The following LRRC43 variants were observed in gnomAD, a reference collection of about 807,000 sequenced individuals.
LRRC43 encodes the protein leucine-rich repeat-containing protein 43.
LRRC43 carries 62 observed loss-of-function variants against 64.3 expected under a neutral mutation model. The ratio of observed to expected loss-of-function variants is 0.96; its 90% CI spans 0.79 to 1.19. The LOEUF (loss-of-function observed/expected upper bound fraction) is 1.19, where lower values mean the gene tolerates loss of function less well. Among genes scored for constraint, LRRC43 ranks in the 50% most tolerant of loss-of-function variants. LRRC43 has a pLI of 0.00. For missense variants in LRRC43, 868 were observed against 845.0 expected, an observed-to-expected ratio of 1.03 and a Z score of -0.34; for synonymous variants, 422 against 382.3, an observed-to-expected ratio of 1.10 and a Z score of -1.21.
chr12:122,177,476 AGTGTGTGTGTGTGTGTGT>A (rs67103998), intron 1 of LRRC43, among the ~76,000 whole-genome samples: 141 of 143,590 alleles, frequency 9.8e-4, no homozygotes, highest in African/African-American at 3.3e-3. Flanking sequence ...TGAGAGAGAA[AGTGTGTGTGTGTGTGTGT>A]GTGTGTGTGT....
At chr12:122,201,403 C>A in intron 11 of LRRC43, 74 bp downstream of exon 11, 1 of 1,320,926 alleles carries the variant, frequency 7.6e-7, no homozygotes, top group Non-Finnish European at 1.1e-6. Context: ...TGGGGGAGGC[C>A]AAAGGAACCA....
chr12:122,170,052 CT>C (rs1160949194), intron 1 of LRRC43, among the ~76,000 whole-genome samples: 1 of 152,114 alleles, frequency 6.6e-6, no homozygotes, highest in Admixed American at 6.5e-5. Flanking sequence ...AGTGATGTTC[CT>C]GCCTCAGCCT....
intron 7 of LRRC43, among the ~76,000 whole-genome samples, chr12:122,199,838 C>T (rs1294026042): frequency 6.6e-6 from 1 of 152,204 alleles, no homozygotes; most frequent in Non-Finnish European, 1.5e-5. Context: ...CCTGTCTCGG[C>T]TTCCCAAAGT....
rs574329414 is a variant in LRRC43 at position 122,200,833 on chromosome 12, G to C, written c.1708G>C (p.Val570Leu). The change falls in exon 10 of 12, where the codon GTG (valine) becomes CTG (leucine). Residue 570 changes from valine to leucine, a missense_variant. Val to Leu is a conservative substitution (Grantham distance 32). Coordinates refer to ENST00000339777, the MANE Select transcript of LRRC43 (RefSeq NM_001098519.2). The surrounding 1 kb of genome is among the most constrained non-coding windows in gnomAD (Gnocchi z 4.6). ...PILQVLGRGL[V>L]ILEPLLAGEP... The stretch of plus-strand genomic sequence containing the variant: ...CCTCCAGGTGCTGGGCCGGGGCCTG[G>C]TGATCCTGGAGCCCCTGCTCGCCGG... The C allele has an allele frequency of 6.2e-7, 1 of 1,613,238 alleles. No individual in the cohort carries two copies. The highest frequency in any genetic ancestry group is 1.7e-5 in the Admixed American group (1 of 60,008).
chr12:122,202,525 T>G (rs1593157087), intron 11 of LRRC43: 1 of 152,220 alleles, frequency 6.6e-6, no homozygotes, highest in Non-Finnish European at 1.5e-5. Flanking sequence ...TATTTTACCA[T>G]GCAGTTTGTA....
Position 122,200,912 on chromosome 12 carries a change from C to A in LRRC43, c.1787C>A (p.Ser596Tyr). 1 of 1,605,706 alleles carries A rather than the reference C, an allele frequency of 6.2e-7. No individual in the cohort carries two copies. The highest frequency in any genetic ancestry group is 8.5e-7 in the Non-Finnish European group (1 of 1,176,272). Residue 596 changes from serine (S) to tyrosine (Y), a missense_variant, in exon 10 of 12, where the codon TCT becomes TAT. Transcript: ENST00000339777. The surrounding 1 kb of genome is among the most constrained non-coding windows in gnomAD (Gnocchi z 4.6). ...CNFGVVRTLT[S>Y]DRLTLARDSK... ...TTCGGCGTGGTCCGCACATTGACAT[C>A]TGACAGGCTGACGTTGGCCAGGGTA...
At chr12:122,181,474 C>T (rs1404885642), upstream of LRRC43, among the ~76,000 whole-genome samples, 16 of 147,450 alleles carry the variant, frequency 1.1e-4, no homozygotes, top group Admixed American at 5.5e-4. Context: ...ACCTGGCAGG[C>T]GGAGCTTGCA....
upstream of LRRC43, among the ~76,000 whole-genome samples, chr12:122,178,595 T>C (rs1195538019): frequency 3.6e-5 from 5 of 139,272 alleles, no homozygotes; most frequent in African/African-American, 8.1e-5. Flanking sequence ...TTTTTTTTTT[T>C]TTTTTTTTTT....
chr12:122,175,529 G>A (rs1953530308), intron 1 of LRRC43, among the ~76,000 whole-genome samples: 1 of 148,808 alleles, frequency 6.7e-6, no homozygotes, highest in African/African-American at 2.5e-5. Flanking sequence ...TTTGAGACAG[G>A]GTCTCATTCT....
At chr12:122,198,287 G>A (rs761254099) in intron 7 of LRRC43, among the ~76,000 whole-genome samples, 1 of 151,546 alleles carries the variant, frequency 6.6e-6, no homozygotes, top group Non-Finnish European at 1.5e-5. Flanking sequence ...GCGCCCGGCC[G>A]AGATATAGTT....
chr12:122,193,615 A>G (rs761083582), intron 7 of LRRC43, among the ~76,000 whole-genome samples: 1 of 152,094 alleles, frequency 6.6e-6, no homozygotes, highest in Admixed American at 6.6e-5. Flanking sequence ...CCCAGGCTGG[A>G]GTGCAGTGGT....
intron 10 of LRRC43, 78 bp from the exon 11 acceptor site, chr12:122,201,218 G>A: frequency 1.3e-6 from 2 of 1,488,602 alleles, no homozygotes; most frequent in South Asian, 1.1e-5. Flanking sequence ...CCTTGGAGGA[G>A]GTGGGGCCCC....
At chr12:122,197,513 C>T (rs1953784159) in intron 7 of LRRC43, among the ~76,000 whole-genome samples, 1 of 152,050 alleles carries the variant, frequency 6.6e-6, no homozygotes, top group Non-Finnish European at 1.5e-5. Flanking sequence ...CTAAGTGTGA[C>T]TTTCTAGGTG....
intron 1 of LRRC43, chr12:122,172,516 G>A (rs1953495101): frequency 3.1e-6 from 5 of 1,613,812 alleles, no homozygotes; most frequent in Non-Finnish European, 4.2e-6. Flanking sequence ...TTACATTCAT[G>A]GGTGTCTGTT....
chr12:122,199,965 G>A (rs987720947), intron 7 of LRRC43, among the ~76,000 whole-genome samples: 4 of 152,182 alleles, frequency 2.6e-5, no homozygotes, highest in African/African-American at 4.8e-5. Flanking sequence ...TGCCTCTGAA[G>A]GAGGGCTCCA....
chr12:122,191,410 T>C lies in LRRC43; in HGVS notation c.932T>C (p.Val311Ala). Residue 311 changes from valine to alanine, a missense_variant, in exon 6 of 12, where the codon GTG (valine) becomes GCG (alanine). By Grantham distance (64) the Val-to-Ala change is moderately conservative. Coordinates refer to ENST00000339777, the MANE Select transcript of LRRC43 (RefSeq NM_001098519.2). ...DLLAQEAQFV[V>A]TIGNIRGVLD... ...TTGGCACAGGAGGCGCAGTTTGTGGTGACCATCGGAAACATCAGAGGAGTC... is the reference window on the plus strand; with the variant it reads ...TTGGCACAGGAGGCGCAGTTTGTGGCGACCATCGGAAACATCAGAGGAGTC... 6.2e-7 allele frequency: 1 copy of C among 1,613,454 alleles called. No individual in the cohort carries two copies. The highest frequency in any genetic ancestry group is 8.5e-7 in the Non-Finnish European group (1 of 1,179,786).
Position 122,184,477 on chromosome 12 carries a change from G to T in LRRC43, c.151-42G>T. On this transcript the variant is annotated intron_variant, in intron 1 of 11. Transcript: ENST00000339777. The surrounding 1 kb of genome is among the most constrained non-coding windows in gnomAD (Gnocchi z 4.0). The stretch of plus-strand genomic sequence containing the variant: ...TTGAGAGTTTGGTGTCCTTAAGGGG[G>T]CTGTGTCACACCTACAGAAAATCCC... 1.2e-6 allele frequency: 2 copies of T among 1,601,196 alleles called. No individual in the cohort carries two copies. Among genetic ancestry groups the T allele is most frequent in the Non-Finnish European group, 1.7e-6 (2 of 1,173,058 alleles).
At chr12:122,196,486 G>A (rs1447391633) in intron 7 of LRRC43, among the ~76,000 whole-genome samples, 1 of 152,216 alleles carries the variant, frequency 6.6e-6, no homozygotes, top group East Asian at 1.9e-4. Flanking sequence ...TGTTCTAGAG[G>A]GCTGGGCACA....
At position 122,199,632 on chromosome 12, in the gene LRRC43, C is replaced by T. The variant is rs187729327; in HGVS notation, c.1350-557C>T. 8.6e-5 allele frequency among the ~76,000 whole-genome samples: 13 copies of T among 151,266 alleles called. No homozygotes were observed. The East Asian group carries it at 2.3e-3, about 27-fold the overall frequency. ...AGGGTCTCACTTTGTCGCCCGGGAT[C>T]GAGTACAGTGGCATGAACATGGCTC... is the stretch of plus-strand genomic sequence containing the variant. On this transcript the variant is annotated intron_variant, in intron 7 of 11. Transcript: ENST00000339777.
Sources: allele counts gnomAD v4.1 joint callset (sites outside exome capture counted in the v4.1 genomes callset), GRCh38; gene constraint gnomAD v4.1.1; non-coding constraint Gnocchi (gnomAD v3.1); transcripts MANE v1.5; gene names NCBI Gene and HGNC (gene_info 2026-07-23, HGNC 2026-07-21).